FMNL2: variants seen among roughly 807,000 people sequenced by gnomAD.
FMNL2 encodes formin-like protein 2.
A neutral mutation model predicts 130.2 loss-of-function variants in FMNL2; 51 were observed. That is an observed-to-expected ratio of 0.39 (90% confidence interval 0.31 to 0.49). The LOEUF (loss-of-function observed/expected upper bound fraction) is 0.49, where lower values mean the gene tolerates loss of function less well. FMNL2 is among the 20% of genes least tolerant of loss of function. FMNL2 has a pLI of 0.85. For synonymous variants in FMNL2, 465 were observed against 467.1 expected, an observed-to-expected ratio of 1.00 and a Z score of 0.06; for missense variants, 977 against 1,316.2, an observed-to-expected ratio of 0.74 and a Z score of 3.99.
chr2:152,569,647 C>T (rs527893114), intron 6 of FMNL2, among the ~76,000 whole-genome samples: 4 of 141,150 alleles, frequency 2.8e-5, no homozygotes, highest in Admixed American at 2.3e-4. Context: ...TGCCACTGCA[C>T]TTCAGCCTAG....
intron 1 of FMNL2, among the ~76,000 whole-genome samples, chr2:152,418,716 C>CA (rs1194827361): frequency 6.6e-6 from 1 of 152,134 alleles, no homozygotes; most frequent in Non-Finnish European, 1.5e-5. Context: ...TATTGATGGA[C>CA]ATATGAGTTG....
intron 1 of FMNL2, among the ~76,000 whole-genome samples, chr2:152,489,541 T>G (rs1691023000): frequency 6.6e-6 from 1 of 152,186 alleles, no homozygotes; most frequent in Non-Finnish European, 1.5e-5. Context: ...GGAGCAAGAT[T>G]AACAGAACAG....
intron 6 of FMNL2, among the ~76,000 whole-genome samples, chr2:152,569,537 C>T (rs1378244011): frequency 2.1e-5 from 3 of 146,220 alleles, no homozygotes; most frequent in Admixed American, 2.0e-4. Flanking sequence ...ATTTGCTTAG[C>T]CGGGCGTGGT....
intron 7 of FMNL2, among the ~76,000 whole-genome samples, chr2:152,577,244 G>T (rs2105703344): frequency 6.6e-6 from 1 of 152,120 alleles, no homozygotes; most frequent in East Asian, 1.9e-4. Context: ...AGTAGTAGAG[G>T]GTGGCACCAG....
chr2:152,459,812 AGC>A (rs1344367918), intron 1 of FMNL2, among the ~76,000 whole-genome samples: 2 of 152,214 alleles, frequency 1.3e-5, no homozygotes, highest in African/African-American at 4.8e-5. Flanking sequence ...ATCTCAACAA[AGC>A]TGCAAAAGAA....
At chr2:152,452,036 C>T (rs1471315721) in intron 1 of FMNL2, among the ~76,000 whole-genome samples, 2 of 152,168 alleles carry the variant, frequency 1.3e-5, no homozygotes, top group Admixed American at 6.5e-5. Flanking sequence ...TTTCATTTCT[C>T]ATGCCAGGAC....
At chr2:152,645,424 TTC>T in intron 25 of FMNL2, 1 of 1,281,494 alleles carries the variant, frequency 7.8e-7, no homozygotes, top group Non-Finnish European at 1.0e-6. Context: ...TTTTGTTTTT[TTC>T]TGTTTAGCCT....
At chr2:152,456,959 C>G (rs1295044037) in intron 1 of FMNL2, among the ~76,000 whole-genome samples, 1 of 149,662 alleles carries the variant, frequency 6.7e-6, no homozygotes, top group East Asian at 2.0e-4. Context: ...AAAAAAATTG[C>G]TACAAAGGAA....
chr2:152,492,538 T>C (rs188658624), intron 1 of FMNL2, among the ~76,000 whole-genome samples: 9 of 152,346 alleles, frequency 5.9e-5, no homozygotes, highest in Admixed American at 3.9e-4. Context: ...AATTATTTTT[T>C]TCTTGCATTT....
chr2:152,414,420 G>A (rs1048497981), intron 1 of FMNL2, among the ~76,000 whole-genome samples: 1 of 152,242 alleles, frequency 6.6e-6, no homozygotes, highest in Non-Finnish European at 1.5e-5. Flanking sequence ...TTTCATTAAA[G>A]TTATTGCCCA....
chr2:152,516,776 G>T (rs1692794403), intron 1 of FMNL2, among the ~76,000 whole-genome samples: 1 of 152,058 alleles, frequency 6.6e-6, no homozygotes, highest in African/African-American at 2.4e-5. Context: ...TGAATGATTT[G>T]GGCACCATCA....
chr2:152,397,935 C>T (rs2105950725), intron 1 of FMNL2, among the ~76,000 whole-genome samples: 1 of 152,230 alleles, frequency 6.6e-6, no homozygotes, highest in Non-Finnish European at 1.5e-5. Context: ...ACCAGCCTGG[C>T]CAACATGGCA....
intron 1 of FMNL2, chr2:152,390,161 G>A: frequency 7.9e-7 from 1 of 1,273,018 alleles, no homozygotes; most frequent in Non-Finnish European, 1.1e-6. Context: ...ATTACTGCTG[G>A]ACCCAGAGCC....
In FMNL2 at chr2:152,389,682, C is replaced by T. The variant is rs541468906; in HGVS notation, c.117+53962C>T. ...CGTGGATCCGAGCCGGCGCGATGGGCGGAGAGCAGGAGGAGGAGCGGTTCG... is the reference window on the plus strand; with the variant it reads ...CGTGGATCCGAGCCGGCGCGATGGGTGGAGAGCAGGAGGAGGAGCGGTTCG... On this transcript the variant is annotated intron_variant, in intron 1 of 25. Coordinates refer to ENST00000288670, the MANE Select transcript of FMNL2 (RefSeq NM_052905.4). 2.0e-4 allele frequency among the ~76,000 whole-genome samples: 31 copies of T among 152,304 alleles called. 1 individual carries two copies. The South Asian group carries it at 6.0e-3, about 30-fold the overall frequency.
intron 1 of FMNL2, chr2:152,390,731 G>A: frequency 1.5e-6 from 1 of 681,802 alleles, no homozygotes; most frequent in African/African-American, 1.8e-5. Flanking sequence ...TCAGGGCTTG[G>A]GGTAGGCATG....
intron 4 of FMNL2, among the ~76,000 whole-genome samples, chr2:152,551,609 A>G (rs1694938809): frequency 6.6e-6 from 1 of 152,260 alleles, no homozygotes; most frequent in Admixed American, 6.5e-5. Context: ...ATCTTCTGAA[A>G]AATTACTCAA....
chr2:152,580,021 T>G (rs1316198891), intron 8 of FMNL2, among the ~76,000 whole-genome samples: 1 of 152,258 alleles, frequency 6.6e-6, no homozygotes, highest in Admixed American at 6.5e-5. Flanking sequence ...TTACTGAATA[T>G]TATTCTTTCA....
intron 6 of FMNL2, among the ~76,000 whole-genome samples, chr2:152,563,614 A>G (rs1695653020): frequency 6.6e-6 from 1 of 152,000 alleles, no homozygotes; most frequent in Non-Finnish European, 1.5e-5. Flanking sequence ...CATTGTTTAC[A>G]TTTTTTTCTT....
intron 2 of FMNL2, 68 bp from the exon 3 acceptor site, chr2:152,542,668 CATA>C: frequency 2.6e-6 from 4 of 1,516,148 alleles, no homozygotes; most frequent in Non-Finnish European, 2.7e-6. Context: ...ATTTTGGTAA[CATA>C]ATCTGATGTG....
Sources: gnomAD v4.1 joint callset for allele counts (sites outside exome capture counted in the v4.1 genomes callset) on GRCh38, gnomAD v4.1.1 for gene constraint, MANE v1.5 for transcripts, NCBI Gene and HGNC (gene_info 2026-07-23, HGNC 2026-07-21) for gene names.